CADM1: variants seen among roughly 807,000 people sequenced by gnomAD.
CADM1 encodes cell adhesion molecule 1, also known as TSLC-1.
In CADM1, 15 loss-of-function variants were observed where a neutral mutation model predicts 53.1. That is an observed-to-expected ratio of 0.28 (90% CI 0.19 to 0.44). CADM1 has a LOEUF of 0.44. CADM1 is among the 20% of genes least tolerant of loss of function. CADM1 has a pLI of 1.00. For missense variants in CADM1, 434 were observed against 611.3 expected, an observed-to-expected ratio of 0.71 and a Z score of 3.06; for synonymous variants, 281 against 243.0, an observed-to-expected ratio of 1.16 and a Z score of -1.45.
chr11:115,386,249 T>C (rs1162209176), intron 1 of CADM1, among the ~76,000 whole-genome samples: 1 of 152,190 alleles, frequency 6.6e-6, no homozygotes, highest in Admixed American at 6.5e-5. Context: ...ATTCCAAATA[T>C]TAAAAAAGAA....
chr11:115,272,721 G>C (rs943674605), intron 1 of CADM1, among the ~76,000 whole-genome samples: 1 of 142,800 alleles, frequency 7.0e-6, no homozygotes, highest in Non-Finnish European at 1.5e-5. Context: ...TGTAAAGAAA[G>C]GGGAACATCA....
rs180688470 is a variant in CADM1 at position 115,173,783 on chromosome 11, T to C, written c.*2691A>G. On this transcript the variant is annotated 3_prime_UTR_variant, in exon 12 of 12. Transcript: ENST00000331581. ...GTTTCTTACACTGTAACATTGTCCA[T>C]GTACACCTTAAAAACAGAACTGGCC... 115 of 984,594 alleles carry C rather than the reference T, an allele frequency of 1.2e-4. No individual in the cohort carries two copies. The East Asian group carries it at 8.6e-3, about 74-fold the overall frequency. The allele number at this position is 984,594 out of a possible 1,614,324, so 61.0% of individuals were successfully genotyped here.
At chr11:115,243,469 G>A (rs1942309844) in intron 1 of CADM1, among the ~76,000 whole-genome samples, 2 of 152,066 alleles carry the variant, frequency 1.3e-5, no homozygotes, top group Non-Finnish European at 2.9e-5. Flanking sequence ...TCAGCTGGAC[G>A]GCAGTTATGT....
rs1235052192 is a variant in CADM1 at position 115,284,089 on chromosome 11, T to TCTCTCTCTCTCTCTCTCTCTCC, written c.125-43670_125-43669insGGAGAGAGAGAGAGAGAGAGAG. Among the ~76,000 whole-genome samples, 197 of 110,128 alleles carry TCTCTCTCTCTCTCTCTCTCTCC rather than the reference T, an allele frequency of 1.8e-3. 1 individual carries two copies. The highest frequency in any genetic ancestry group is 6.4e-3 in the African/African-American group (174 of 27,322). 72.2% of individuals were successfully genotyped at this position (110,128 alleles called of 152,430 possible). A position where few individuals can be genotyped will look rare whatever the true frequency, so the allele number is the denominator to read the frequency against. Reference sequence around the variant, plus strand: ...GGTGAAGATCTACAAGCCCAGACACTCTCTCTCTCTCTCTCTCTCTCTCTC... The same window carrying TCTCTCTCTCTCTCTCTCTCTCC: ...GGTGAAGATCTACAAGCCCAGACACTCTCTCTCTCTCTCTCTCTCTCCCTCTCTCTCTCTCTCTCTCTCTCTC... On this transcript the variant is annotated intron_variant, in intron 1 of 11. Transcript: ENST00000331581.
chr11:115,401,320 A>C (rs1345271427), intron 1 of CADM1, among the ~76,000 whole-genome samples: 4 of 152,212 alleles, frequency 2.6e-5, no homozygotes, highest in African/African-American at 9.6e-5. Flanking sequence ...TAAAAAGATC[A>C]GGGGTTGGCC....
intron 1 of CADM1, among the ~76,000 whole-genome samples, chr11:115,307,835 C>T (rs950021604): frequency 6.6e-6 from 1 of 151,736 alleles, no homozygotes; most frequent in Non-Finnish European, 1.5e-5. Flanking sequence ...TCCTTATATC[C>T]TTTCCTTCTA....
chr11:115,504,332 A>T lies in CADM1; in HGVS notation c.63T>A (p.Pro21=), dbSNP rs1428581452. 5 of 1,550,970 alleles carry T rather than the reference A, an allele frequency of 3.2e-6. No homozygotes were observed. The highest frequency in any genetic ancestry group is 4.9e-5 in the East Asian group (2 of 40,950). ...QCAAAAAAAA[P]PGLRLRLLLL... ...GCAGAAGCCGGAGCCGGAGCCCGGG[A>T]GGCGCCGCCGCCGCCGCTGCCGCCG... Residue 21 remains proline (P), a synonymous_variant, in exon 1 of 12, where the codon CCT becomes CCA. Coordinates refer to ENST00000331581, the MANE Select transcript of CADM1 (RefSeq NM_001301043.2).
intron 1 of CADM1, among the ~76,000 whole-genome samples, chr11:115,260,578 C>T (rs895300568): frequency 2.0e-5 from 3 of 152,140 alleles, no homozygotes; most frequent in South Asian, 2.1e-4. Context: ...TGAGAATGAC[C>T]GACACTGATT....
intron 1 of CADM1, 49 bp downstream of exon 1, chr11:115,504,222 G>T: frequency 6.4e-7 from 1 of 1,558,464 alleles, no homozygotes. Context: ...CAAGGCTACT[G>T]GGGTGCCTTC....
At chr11:115,236,296 C>A (rs528430254) in intron 3 of CADM1, among the ~76,000 whole-genome samples, 3 of 152,012 alleles carry the variant, frequency 2.0e-5, no homozygotes, top group Non-Finnish European at 4.4e-5. Context: ...TTGGAATATA[C>A]GAGTATCAGT....
At chr11:115,387,933 C>G (rs186549932) in intron 1 of CADM1, among the ~76,000 whole-genome samples, 4 of 151,546 alleles carry the variant, frequency 2.6e-5, no homozygotes, top group African/African-American at 9.7e-5. Context: ...CAAAACTACC[C>G]AAAAAACAAA....
At chr11:115,463,016 C>T (rs988664867) in intron 1 of CADM1, among the ~76,000 whole-genome samples, 18 of 152,150 alleles carry the variant, frequency 1.2e-4, no homozygotes, top group African/African-American at 4.1e-4. Flanking sequence ...CTCATGGGCT[C>T]CTGTAAAATA....
At position 115,175,927 on chromosome 11, in the gene CADM1, G is replaced by A. The variant is rs1939006875; in HGVS notation, c.*547C>T. ...ATGCATTATGGATACACTAAATTCT[G>A]AACTATGAAATCTAAGCTGTGCTGG... On this transcript the variant is annotated 3_prime_UTR_variant, in exon 12 of 12. Transcript: ENST00000331581. The A allele has an allele frequency of 3.0e-6, 3 of 1,010,394 alleles. No individual in the cohort carries two copies. In the South Asian group the frequency reaches 1.2e-4, roughly 42 times the overall value. 62.6% of individuals were successfully genotyped at this position (1,010,394 alleles called of 1,614,324 possible).
chr11:115,291,506 G>A (rs1235817297), intron 1 of CADM1, among the ~76,000 whole-genome samples: 3 of 152,160 alleles, frequency 2.0e-5, no homozygotes, highest in Non-Finnish European at 4.4e-5. Flanking sequence ...GCAAACGGGA[G>A]CTCATTTCTC....
chr11:115,469,649 T>C (rs1332867587), intron 1 of CADM1, among the ~76,000 whole-genome samples: 1 of 150,022 alleles, frequency 6.7e-6, no homozygotes, highest in Non-Finnish European at 1.5e-5. Flanking sequence ...TACATAACCA[T>C]ACTATCCTCA....
intron 1 of CADM1, among the ~76,000 whole-genome samples, chr11:115,251,800 G>T (rs1236384099): frequency 6.6e-6 from 1 of 152,100 alleles, no homozygotes; most frequent in Non-Finnish European, 1.5e-5. Context: ...GCTCAACCTG[G>T]GAAGACGTAT....
Position 115,295,550 on chromosome 11 carries a change from A to ATATATATATTAT in CADM1, c.125-55131_125-55130insATAATATATATA, listed in dbSNP as rs371584699. ...TATATATATATATATATATATATATAATATATATGTATATGCACATATATA... is the reference window on the plus strand; with the variant it reads ...TATATATATATATATATATATATATATATATATATTATATATATATGTATATGCACATATATA... On this transcript the variant is annotated intron_variant, in intron 1 of 11. Transcript: ENST00000331581. Among the ~76,000 whole-genome samples the ATATATATATTAT allele has an allele frequency of 1.3e-4, 7 of 53,004 alleles. 1 individual carries two copies. Among genetic ancestry groups the ATATATATATTAT allele is most frequent in the African/African-American group, 6.7e-4 (5 of 7,490 alleles). 34.8% of individuals were successfully genotyped at this position (53,004 alleles called of 152,430 possible). A position where few individuals can be genotyped will look rare whatever the true frequency, so the allele number is the denominator to read the frequency against.
At chr11:115,304,592 G>A (rs895243197) in intron 1 of CADM1, among the ~76,000 whole-genome samples, 1 of 151,842 alleles carries the variant, frequency 6.6e-6, no homozygotes, top group Non-Finnish European at 1.5e-5. Context: ...CTTAAATAGA[G>A]ATATTGTGCT....
intron 1 of CADM1, among the ~76,000 whole-genome samples, chr11:115,382,112 T>C (rs1445685869): frequency 2.0e-5 from 3 of 152,178 alleles, no homozygotes; most frequent in African/African-American, 7.2e-5. Flanking sequence ...CCCAAAGTGC[T>C]GGGATTACAG....
Sources: gnomAD v4.1 joint callset for allele counts (sites outside exome capture counted in the v4.1 genomes callset) on GRCh38, gnomAD v4.1.1 for gene constraint, MANE v1.5 for transcripts, NCBI Gene and HGNC (gene_info 2026-07-23, HGNC 2026-07-21) for gene names.